PTPRG: variants seen among roughly 807,000 people sequenced by gnomAD.
PTPRG encodes the protein protein tyrosine phosphatase receptor type G, also known as receptor-type tyrosine-protein phosphatase gamma.
In PTPRG, 102 loss-of-function variants were observed where a neutral mutation model predicts 165.3. The observed-to-expected ratio is 0.62, with a 90% CI of 0.53 to 0.73. PTPRG has a LOEUF of 0.73. Among genes scored for constraint, PTPRG ranks in the 30% least tolerant of loss-of-function variants. PTPRG has a pLI of 0.00. For synonymous variants in PTPRG, 675 were observed against 669.5 expected (o/e 1.01, Z -0.13); for missense variants, 1,866 against 1,861.4 (o/e 1.00, Z -0.05).
chr3:61,957,768 C>A (rs1347509414), intron 2 of PTPRG, among the ~76,000 whole-genome samples: 7 of 152,158 alleles, frequency 4.6e-5, no homozygotes, highest in Non-Finnish European at 2.9e-5. Flanking sequence ...TGTTTTCATG[C>A]GATTCCATTT....
intron 2 of PTPRG, among the ~76,000 whole-genome samples, chr3:61,982,965 G>T (rs1268759871): frequency 6.6e-6 from 1 of 152,100 alleles, no homozygotes; most frequent in African/African-American, 2.4e-5. Context: ...GATATGAAAT[G>T]GAGTACTGCA....
intron 2 of PTPRG, among the ~76,000 whole-genome samples, chr3:61,935,992 T>C (rs965389945): frequency 6.6e-6 from 1 of 152,172 alleles, no homozygotes; most frequent in Non-Finnish European, 1.5e-5. Context: ...CCCTCATGAA[T>C]GGTATTACTA....
chr3:61,567,292 G>A (rs1216573699), intron 1 of PTPRG, among the ~76,000 whole-genome samples: 1 of 152,208 alleles, frequency 6.6e-6, no homozygotes, highest in African/African-American at 2.4e-5. Context: ...GGACTCAGGA[G>A]GGGCTGAGAA....
chr3:61,994,962 T>C (rs2040984168), intron 3 of PTPRG, among the ~76,000 whole-genome samples: 1 of 152,124 alleles, frequency 6.6e-6, no homozygotes, highest in Non-Finnish European at 1.5e-5. Context: ...GCCGCTTGTC[T>C]CTTCCAAGGT....
At chr3:62,278,599 A>C (rs1212319758) in intron 26 of PTPRG, among the ~76,000 whole-genome samples, 1 of 152,084 alleles carries the variant, frequency 6.6e-6, no homozygotes, top group African/African-American at 2.4e-5. Context: ...TGAGTTTTTT[A>C]ATCAAGGAAG....
At position 61,779,191 on chromosome 3, in the gene PTPRG, A is replaced by T. The variant is rs1167890373; in HGVS notation, c.190+30209A>T. Among the ~76,000 whole-genome samples the T allele has an allele frequency of 5.3e-5, 8 of 152,310 alleles. No individual in the cohort carries two copies. The East Asian group carries it at 1.2e-3, about 22-fold the overall frequency. On this transcript the variant is annotated intron_variant, in intron 2 of 29. Transcript: ENST00000474889. ...GATACCTCATTTTGGCCATAGATTAAAATGCATTAAGAAGCTGCACAGAGT... is the reference window on the plus strand; with the variant it reads ...GATACCTCATTTTGGCCATAGATTATAATGCATTAAGAAGCTGCACAGAGT...
intron 5 of PTPRG, among the ~76,000 whole-genome samples, chr3:62,122,458 A>G (rs780634501): frequency 2.0e-5 from 3 of 152,206 alleles, no homozygotes; most frequent in African/African-American, 2.4e-5. Context: ...AAGAAAGCAC[A>G]GAGTAAAACT....
chr3:61,942,594 T>C (rs1575808808), intron 2 of PTPRG, among the ~76,000 whole-genome samples: 1 of 152,224 alleles, frequency 6.6e-6, no homozygotes. Context: ...TTAATGATGA[T>C]GACCATGAAT....
chr3:61,768,272 G>A (rs993899264), intron 2 of PTPRG, among the ~76,000 whole-genome samples: 1 of 151,968 alleles, frequency 6.6e-6, no homozygotes, highest in Non-Finnish European at 1.5e-5. Context: ...CTTTTTTTTG[G>A]TAGGGATATT....
intron 6 of PTPRG, among the ~76,000 whole-genome samples, chr3:62,134,875 T>C (rs775873233): frequency 3.3e-5 from 5 of 152,168 alleles, no homozygotes; most frequent in Non-Finnish European, 7.4e-5. Context: ...AAGGAGGAAC[T>C]AAAGCCCATG....
intron 4 of PTPRG, among the ~76,000 whole-genome samples, chr3:62,038,681 A>T (rs144909243): frequency 9.2e-5 from 14 of 152,036 alleles, no homozygotes; most frequent in African/African-American, 2.9e-4. Flanking sequence ...CAGGTGTCAG[A>T]CACCTTGCCC....
At chr3:62,186,567 C>CCTTTTTTTTTTTTTTTTTTTT (rs1705895088) in intron 8 of PTPRG, among the ~76,000 whole-genome samples, 1 of 117,540 alleles carries the variant, frequency 8.5e-6, no homozygotes, top group African/African-American at 3.5e-5. Context: ...TTTTCTTTTC[C>CCTTTTTTTTTTTTTTTTTTTT]TTTTTTTTTT....
In PTPRG at chr3:61,830,564, TTG is replaced by T. The variant is rs1491234469; in HGVS notation, c.190+81584_190+81585del. On this transcript the variant is annotated intron_variant, in intron 2 of 29. Transcript: ENST00000474889. ...AAACTGGTGATGGTTCTTTTTGTTT[TTG>T]TTTTTTTTTTTTTTTTTTTTTTTTG... Among the ~76,000 whole-genome samples the T allele has an allele frequency of 7.8e-4, 98 of 125,720 alleles. 1 individual carries two copies. Among genetic ancestry groups the T allele is most frequent in the African/African-American group, 2.8e-3 (86 of 30,768 alleles). 82.5% of individuals were successfully genotyped at this position (125,720 alleles called of 152,430 possible). A position where few individuals can be genotyped will look rare whatever the true frequency, so the allele number is the denominator to read the frequency against.
chr3:61,615,196 A>G (rs1329084563), intron 1 of PTPRG, among the ~76,000 whole-genome samples: 1 of 152,224 alleles, frequency 6.6e-6, no homozygotes, highest in African/African-American at 2.4e-5. Flanking sequence ...ACTACTGTCT[A>G]ATCCTCAGAA....
chr3:62,251,936 C>T (rs1158539943), intron 15 of PTPRG, among the ~76,000 whole-genome samples: 2 of 152,124 alleles, frequency 1.3e-5, no homozygotes, highest in Admixed American at 6.6e-5. Context: ...GTGTGAAAAA[C>T]ATTTAGCACA....
intron 2 of PTPRG, among the ~76,000 whole-genome samples, chr3:61,954,063 C>T (rs2039965942): frequency 6.6e-6 from 1 of 152,104 alleles, no homozygotes; most frequent in African/African-American, 2.4e-5. Flanking sequence ...ATTGGTCTTC[C>T]AGTTTGTTTT....
intron 1 of PTPRG, among the ~76,000 whole-genome samples, chr3:61,741,598 TG>T (rs2032987692): frequency 6.6e-6 from 1 of 152,252 alleles, no homozygotes; most frequent in Non-Finnish European, 1.5e-5. Context: ...ATATTGTAGA[TG>T]GAACTTTGGG....
chr3:62,096,174 T>C (rs890916283), intron 5 of PTPRG, among the ~76,000 whole-genome samples: 1 of 152,154 alleles, frequency 6.6e-6, no homozygotes, highest in Non-Finnish European at 1.5e-5. Flanking sequence ...GATATCTTTC[T>C]ATTACCAAGA....
chr3:61,742,737 G>T, intron 1 of PTPRG: 9 of 1,610,524 alleles, frequency 5.6e-6, no homozygotes, highest in African/African-American at 1.3e-5. Context: ...GACCTGGGCC[G>T]AGGATTCGTG....
Sources: gnomAD v4.1 joint callset for allele counts (sites outside exome capture counted in the v4.1 genomes callset) on GRCh38, gnomAD v4.1.1 for gene constraint, MANE v1.5 for transcripts, NCBI Gene and HGNC (gene_info 2026-07-23, HGNC 2026-07-21) for gene names.